NCKAP5: variants seen among roughly 807,000 people sequenced by gnomAD.
NCKAP5 encodes the protein NCK associated protein 5, also known as nck-associated protein 5.
A neutral mutation model predicts 167.0 loss-of-function variants in NCKAP5; 92 were observed. That is an observed-to-expected ratio of 0.55 (90% CI 0.47 to 0.66). The LOEUF is 0.66. Among genes scored for constraint, NCKAP5 ranks in the 30% least tolerant of loss-of-function variants. The pLI, the probability that NCKAP5 is intolerant of heterozygous loss-of-function variation, is 0.00. For missense variants in NCKAP5, 2,378 were observed against 2,315.0 expected (o/e 1.03, Z -0.56); for synonymous variants, 891 against 877.4 (o/e 1.02, Z -0.27).
chr2:133,406,707 G>C (rs1688459664), intron 3 of NCKAP5, among the ~76,000 whole-genome samples: 1 of 152,186 alleles, frequency 6.6e-6, no homozygotes, highest in African/African-American at 2.4e-5. Flanking sequence ...GTCTGGGGTA[G>C]GAATGCAGGT....
At chr2:132,874,602 C>A (rs147467622) in intron 9 of NCKAP5, among the ~76,000 whole-genome samples, 2 of 152,254 alleles carry the variant, frequency 1.3e-5, no homozygotes, top group Non-Finnish European at 2.9e-5. Context: ...ATCCAAAGGC[C>A]TAGTTTTCAA....
intron 3 of NCKAP5, among the ~76,000 whole-genome samples, chr2:133,425,173 G>A (rs1381239694): frequency 1.3e-5 from 2 of 152,194 alleles, no homozygotes; most frequent in Non-Finnish European, 2.9e-5. Context: ...CTGGTTAGGG[G>A]ATCAAACCCA....
At chr2:132,786,191 T>G (rs1337382017) in intron 13 of NCKAP5, among the ~76,000 whole-genome samples, 1 of 152,180 alleles carries the variant, frequency 6.6e-6, no homozygotes, top group Non-Finnish European at 1.5e-5. Context: ...GGGGAAATGT[T>G]TTCCAGGTGG....
At chr2:133,226,167 C>G (rs1421369309) in intron 4 of NCKAP5, among the ~76,000 whole-genome samples, 1 of 152,084 alleles carries the variant, frequency 6.6e-6, no homozygotes, top group African/African-American at 2.4e-5. Context: ...TCTTGAATTC[C>G]TGGGCTCAAG....
intron 6 of NCKAP5, among the ~76,000 whole-genome samples, chr2:133,108,622 A>G (rs1176604799): frequency 1.3e-5 from 2 of 152,240 alleles, no homozygotes; most frequent in Non-Finnish European, 2.9e-5. Context: ...TCACCATGCT[A>G]TATAATGGCT....
At chr2:132,847,005 A>C (rs1004318127) in intron 11 of NCKAP5, among the ~76,000 whole-genome samples, 2 of 152,334 alleles carry the variant, frequency 1.3e-5, no homozygotes, top group East Asian at 3.9e-4. Flanking sequence ...TGTGAATGAA[A>C]TAGGCAAATT....
At chr2:133,061,086 A>G (rs2079983819) in intron 6 of NCKAP5, among the ~76,000 whole-genome samples, 1 of 152,038 alleles carries the variant, frequency 6.6e-6, no homozygotes, top group Admixed American at 6.6e-5. Context: ...CAAAACAACA[A>G]CAACAAAAAA....
chr2:132,896,280 TC>T (rs1388743045), intron 8 of NCKAP5, among the ~76,000 whole-genome samples: 1 of 152,212 alleles, frequency 6.6e-6, no homozygotes, highest in Non-Finnish European at 1.5e-5. Flanking sequence ...GTTTGCAAGT[TC>T]AAGAACTAAA....
chr2:133,583,990 G>A, the NCKAP5 span, among the ~76,000 whole-genome samples: 3 of 152,134 alleles, frequency 2.0e-5, no homozygotes, highest in Non-Finnish European at 4.4e-5. Flanking sequence ...TCCTGACCTC[G>A]TGATCCACCC....
intron 8 of NCKAP5, among the ~76,000 whole-genome samples, chr2:132,909,044 T>A (rs1176948127): frequency 6.6e-6 from 1 of 152,056 alleles, no homozygotes; most frequent in Non-Finnish European, 1.5e-5. Context: ...TTTTAAAAAA[T>A]CGATTAAAAA....
At chr2:133,022,307 T>C (rs2078555227) in intron 6 of NCKAP5, among the ~76,000 whole-genome samples, 1 of 152,204 alleles carries the variant, frequency 6.6e-6, no homozygotes, top group Admixed American at 6.5e-5. Context: ...AAGGAAATCT[T>C]CATTAGTAGA....
intron 5 of NCKAP5, among the ~76,000 whole-genome samples, chr2:133,135,430 G>A (rs889113908): frequency 6.6e-6 from 1 of 152,038 alleles, no homozygotes; most frequent in African/African-American, 2.4e-5. Flanking sequence ...GACCACGTAG[G>A]ACCATGAACA....
chr2:133,370,691 T>G (rs1685745775), intron 3 of NCKAP5, among the ~76,000 whole-genome samples: 1 of 151,388 alleles, frequency 6.6e-6, no homozygotes, highest in Admixed American at 6.6e-5. Flanking sequence ...TTTAAAAAGT[T>G]TGGCTAACGT....
At chr2:132,864,712 A>G (rs1411362088) in intron 10 of NCKAP5, among the ~76,000 whole-genome samples, 4 of 152,226 alleles carry the variant, frequency 2.6e-5, no homozygotes, top group Admixed American at 6.5e-5. Flanking sequence ...GAAGCAGGAC[A>G]TACACTAACA....
chr2:132,823,376 A>C (rs1199456276), intron 11 of NCKAP5, among the ~76,000 whole-genome samples: 1 of 152,190 alleles, frequency 6.6e-6, no homozygotes. Context: ...TATAAGCCAG[A>C]AGGGATTGGG....
At chr2:133,536,166 T>C (rs916664523) in intron 2 of NCKAP5, among the ~76,000 whole-genome samples, 1 of 152,132 alleles carries the variant, frequency 6.6e-6, no homozygotes, top group Admixed American at 6.5e-5. Flanking sequence ...TCTATTTTTG[T>C]TTTGTTGCAT....
At chr2:132,729,112 C>A (rs1690743381) in intron 17 of NCKAP5, among the ~76,000 whole-genome samples, 160 bp from the exon 18 acceptor site, 1 of 152,166 alleles carries the variant, frequency 6.6e-6, no homozygotes, top group Non-Finnish European at 1.5e-5. Context: ...TCTGTGCTGC[C>A]CAAAACATCT....
chr2:132,881,011 G>A (rs907328311), intron 8 of NCKAP5, among the ~76,000 whole-genome samples: 1 of 152,104 alleles, frequency 6.6e-6, no homozygotes, highest in Non-Finnish European at 1.5e-5. Context: ...TATAAATACA[G>A]TACCACAATG....
intron 3 of NCKAP5, among the ~76,000 whole-genome samples, chr2:133,369,910 C>T: frequency 6.6e-6 from 1 of 152,178 alleles, no homozygotes; most frequent in Non-Finnish European, 1.5e-5. Flanking sequence ...ATCTTCATTC[C>T]ATCTGCCCTG....
Sources: gnomAD v4.1 joint callset for allele counts (sites outside exome capture counted in the v4.1 genomes callset) on GRCh38, gnomAD v4.1.1 for gene constraint, MANE v1.5 for transcripts, NCBI Gene and HGNC (gene_info 2026-07-23, HGNC 2026-07-21) for gene names.